The following KCNH8 variants were observed in gnomAD, a reference collection of about 807,000 sequenced individuals.
KCNH8 encodes the protein voltage-gated delayed rectifier potassium channel KCNH8.
Under a neutral mutation model 103.6 loss-of-function variants are expected in KCNH8, and 70 were observed. The ratio of observed to expected loss-of-function variants is 0.68; its 90% CI spans 0.56 to 0.82. KCNH8 has a LOEUF of 0.82. KCNH8 is among the 40% of genes least tolerant of loss of function. KCNH8 has a pLI of 0.00. For missense variants in KCNH8, 1,217 were observed against 1,329.9 expected (o/e 0.92, Z 1.32); for synonymous variants, 498 against 489.4 (o/e 1.02, Z -0.23).
chr3:19,288,377 C>G (rs1449386941), intron 3 of KCNH8, among the ~76,000 whole-genome samples: 1 of 151,618 alleles, frequency 6.6e-6, no homozygotes, highest in Admixed American at 6.6e-5. Flanking sequence ...TATCCCTCCC[C>G]CCGTCCCCAC....
rs1300953147 is a variant in KCNH8, at chr3:19,185,739, T to C, written c.76+36944T>C. ...GATTTATTTGCTGGGGATTTAAATC[T>C]TATGAAAAATACTAATTCAAATGTA... On this transcript the variant is annotated intron_variant, in intron 1 of 15. Coordinates refer to ENST00000328405, the MANE Select transcript of KCNH8 (RefSeq NM_144633.3). 2.0e-5 allele frequency among the ~76,000 whole-genome samples: 3 copies of C among 151,988 alleles called. No individual in the cohort carries two copies. The East Asian group carries it at 5.8e-4, about 29-fold the overall frequency.
chr3:19,224,146 G>GT (rs200509654), intron 1 of KCNH8, among the ~76,000 whole-genome samples: 181 of 151,280 alleles, frequency 1.2e-3, no homozygotes, highest in Non-Finnish European at 1.9e-3. Flanking sequence ...TCAAAGTAAA[G>GT]TTTTTTTTTC....
intron 5 of KCNH8, among the ~76,000 whole-genome samples, chr3:19,369,087 C>T (rs7630441): frequency 0.043 from 6,524 of 151,798 alleles, 185 homozygotes; most frequent in East Asian, 0.11. Flanking sequence ...GAGTTTAAAT[C>T]ACTTTGTTTT....
chr3:19,276,214 T>G (rs2064669207), intron 2 of KCNH8, among the ~76,000 whole-genome samples: 1 of 151,408 alleles, frequency 6.6e-6, no homozygotes, highest in Admixed American at 6.6e-5. Flanking sequence ...TGTGTGTGTA[T>G]ACATGTATGT....
In KCNH8 at chr3:19,253,746, C is replaced by A. The variant is rs564126399; in HGVS notation, c.169C>A (p.Arg57=). Residue 57 remains arginine, a synonymous_variant, in exon 2 of 16, where the codon CGA becomes AGA. Transcript: ENST00000328405. ...CTTCTGCGAGCTTGCTGGATTTGCC[C>A]GAACTGAAGTCATGCAGAAGAGTTG... ...DGFCELAGFA[R]TEVMQKSCSC... is the part of the protein sequence containing the mutation. 1.2e-6 allele frequency: 2 copies of A among 1,613,544 alleles called. No individual in the cohort carries two copies. Among genetic ancestry groups the A allele is most frequent in the Non-Finnish European group, 1.7e-6 (2 of 1,179,894 alleles).
At chr3:19,412,483 G>A (rs561924076) in intron 7 of KCNH8, among the ~76,000 whole-genome samples, 21 of 151,898 alleles carry the variant, frequency 1.4e-4, no homozygotes, top group African/African-American at 4.1e-4. Flanking sequence ...TGGGCCTTGG[G>A]AAAGAATTTA....
intron 11 of KCNH8, among the ~76,000 whole-genome samples, chr3:19,479,341 C>T (rs1212778536): frequency 6.6e-6 from 1 of 152,120 alleles, no homozygotes; most frequent in African/African-American, 2.4e-5. Flanking sequence ...TAGTCTTGAT[C>T]TCAAAACTCA....
chr3:19,195,033 A>G (rs79525924), intron 1 of KCNH8, among the ~76,000 whole-genome samples: 2,989 of 151,954 alleles, frequency 0.02, 94 homozygotes, highest in African/African-American at 0.067. Context: ...AAGTGATAGA[A>G]AAAAATGATT....
chr3:19,302,504 T>C (rs909967158), intron 3 of KCNH8, among the ~76,000 whole-genome samples: 1 of 152,234 alleles, frequency 6.6e-6, no homozygotes, highest in African/African-American at 2.4e-5. Flanking sequence ...CATTTCATCA[T>C]GCTTGACTTC....
chr3:19,445,479 A>G (rs1020017761), intron 8 of KCNH8, among the ~76,000 whole-genome samples: 3 of 151,922 alleles, frequency 2.0e-5, no homozygotes, highest in African/African-American at 7.2e-5. Context: ...CTTGTTCTGT[A>G]TGTATCTTTG....
chr3:19,433,509 A>T (rs534249609), intron 7 of KCNH8, among the ~76,000 whole-genome samples: 2 of 152,242 alleles, frequency 1.3e-5, no homozygotes, highest in East Asian at 3.8e-4. Context: ...AGATTATTCA[A>T]TCCAATCACT....
At chr3:19,519,930 A>G (rs1281713165) in intron 15 of KCNH8, among the ~76,000 whole-genome samples, 1 of 151,864 alleles carries the variant, frequency 6.6e-6, no homozygotes, top group Non-Finnish European at 1.5e-5. Flanking sequence ...AGGAATGTAG[A>G]TAATTTTTCC....
intron 5 of KCNH8, among the ~76,000 whole-genome samples, chr3:19,369,089 C>CTT (rs199949305): frequency 6.6e-6 from 1 of 151,266 alleles, no homozygotes; most frequent in African/African-American, 2.4e-5. Context: ...GTTTAAATCA[C>CTT]TTTGTTTTTT....
intron 11 of KCNH8, among the ~76,000 whole-genome samples, chr3:19,493,244 T>TTC (rs2068365724): frequency 1.3e-5 from 2 of 152,112 alleles, no homozygotes; most frequent in South Asian, 4.1e-4. Context: ...TGGCTAGGAC[T>TTC]TTCAGTACTA....
intron 5 of KCNH8, among the ~76,000 whole-genome samples, chr3:19,382,685 A>G (rs12485346): frequency 6.6e-6 from 1 of 152,012 alleles, no homozygotes; most frequent in African/African-American, 2.4e-5. Flanking sequence ...TAATAATAAT[A>G]ATAATGACAA....
chr3:19,295,470 G>A (rs920061421), intron 3 of KCNH8, among the ~76,000 whole-genome samples: 1 of 152,210 alleles, frequency 6.6e-6, no homozygotes, highest in Non-Finnish European at 1.5e-5. Context: ...TAACTTGACC[G>A]CCTGTATGGA....
chr3:19,438,103 A>G, intron 7 of KCNH8, 61 bp from the exon 8 acceptor site: 1 of 1,265,476 alleles, frequency 7.9e-7, no homozygotes, highest in African/African-American at 1.5e-5. Context: ...CATTACTCCC[A>G]TGTGTTAATA....
chr3:19,269,501 G>T (rs963257932), intron 2 of KCNH8, among the ~76,000 whole-genome samples: 1 of 152,068 alleles, frequency 6.6e-6, no homozygotes, highest in Non-Finnish European at 1.5e-5. Context: ...GACCACCTAA[G>T]ATTGTTACAC....
chr3:19,471,258 C>T (rs1398507256), intron 11 of KCNH8, among the ~76,000 whole-genome samples: 1 of 152,152 alleles, frequency 6.6e-6, no homozygotes, highest in African/African-American at 2.4e-5. Flanking sequence ...ACACACATAC[C>T]CACAAACAGG....
Sources: gnomAD v4.1 joint callset for allele counts (sites outside exome capture counted in the v4.1 genomes callset) on GRCh38, gnomAD v4.1.1 for gene constraint, MANE v1.5 for transcripts, NCBI Gene and HGNC (gene_info 2026-07-23, HGNC 2026-07-21) for gene names.